FRMD4B: variants seen among roughly 807,000 people sequenced by gnomAD.
FRMD4B encodes the protein FERM domain-containing protein 4B.
A neutral mutation model predicts 141.5 loss-of-function variants in FRMD4B; 74 were observed. The ratio of observed to expected loss-of-function variants is 0.52; its 90% confidence interval spans 0.43 to 0.63. The LOEUF (loss-of-function observed/expected upper bound fraction) is 0.63, where lower values mean the gene tolerates loss of function less well. Ranked by LOEUF, FRMD4B falls within the 30% of genes least tolerant of loss-of-function variation. The pLI, the probability that FRMD4B is intolerant of heterozygous loss-of-function variation, is 0.00. For missense variants in FRMD4B, 1,366 were observed against 1,253.4 expected (o/e 1.09, Z -1.36); for synonymous variants, 506 against 467.9 (o/e 1.08, Z -1.05).
chr3:69,540,530 C>T (rs1701157629), intron 1 of FRMD4B, among the ~76,000 whole-genome samples: 1 of 144,614 alleles, frequency 6.9e-6, no homozygotes, highest in Non-Finnish European at 1.5e-5. Flanking sequence ...AGGAGACTCG[C>T]TTGAACTCGG....
At chr3:69,500,459 G>C (rs990633524) in intron 1 of FRMD4B, among the ~76,000 whole-genome samples, 2 of 152,260 alleles carry the variant, frequency 1.3e-5, no homozygotes, top group African/African-American at 4.8e-5. Flanking sequence ...TTTGGGCATA[G>C]AGGAGAGTTT....
chr3:69,223,342 C>A (rs1415757464), intron 8 of FRMD4B, among the ~76,000 whole-genome samples: 1 of 151,992 alleles, frequency 6.6e-6, no homozygotes, highest in South Asian at 2.1e-4. Context: ...GGTGAAACAC[C>A]TTCTCTACTG....
intron 1 of FRMD4B, among the ~76,000 whole-genome samples, chr3:69,458,041 C>G (rs1243041822): frequency 6.6e-6 from 1 of 152,224 alleles, no homozygotes; most frequent in African/African-American, 2.4e-5. Flanking sequence ...CCACTTCTTT[C>G]TCTTGCTTCC....
intron 1 of FRMD4B, among the ~76,000 whole-genome samples, chr3:69,514,034 G>C (rs1045004735): frequency 2.6e-5 from 4 of 152,118 alleles, no homozygotes; most frequent in African/African-American, 4.8e-5. Flanking sequence ...TTTCAACATA[G>C]TATTGAAAGT....
intron 1 of FRMD4B, among the ~76,000 whole-genome samples, chr3:69,477,503 C>T (rs907973674): frequency 1.3e-4 from 20 of 151,418 alleles, no homozygotes; most frequent in South Asian, 4.2e-4. Flanking sequence ...TGCTGGATTA[C>T]GTTTATTGAT....
chr3:69,471,717 G>T, intron 1 of FRMD4B: 1 of 162,518 alleles, frequency 6.2e-6, no homozygotes, highest in South Asian at 1.7e-4. Flanking sequence ...TTGTTTGGTT[G>T]AGAACGGGCT....
At chr3:69,269,426 G>C (rs555572842) in intron 5 of FRMD4B, among the ~76,000 whole-genome samples, 1 of 150,130 alleles carries the variant, frequency 6.7e-6, no homozygotes, top group Non-Finnish European at 1.5e-5. Context: ...TAGGAAGATA[G>C]AATAGGCTGT....
chr3:69,474,369 A>G (rs1342412621), intron 1 of FRMD4B, among the ~76,000 whole-genome samples: 1 of 152,154 alleles, frequency 6.6e-6, no homozygotes, highest in Non-Finnish European at 1.5e-5. Context: ...GTCATTCCAA[A>G]ACTACCATCT....
chr3:69,478,309 T>C (rs1706040035), intron 1 of FRMD4B, among the ~76,000 whole-genome samples: 1 of 152,246 alleles, frequency 6.6e-6, no homozygotes, highest in African/African-American at 2.4e-5. Context: ...AGTGTCAATT[T>C]TGGATCTTTC....
rs114855208 is a variant in FRMD4B at position 69,522,264 on chromosome 3, G to A, written c.-129+19942C>T. ...TGATGCAGGTCAGCTTGAGGGAGGA[G>A]AGAAATTTTGATTCATAACTTTTTT... On this transcript the variant is annotated intron_variant, in intron 1 of 5. Coordinates refer to the FRMD4B transcript ENST00000459638. Among the ~76,000 whole-genome samples, 683 of 152,112 alleles carry A rather than the reference G, an allele frequency of 4.5e-3. 3 individuals are homozygous for A. Among genetic ancestry groups the A allele is most frequent in the African/African-American group, 0.015 (623 of 41,468 alleles).
intron 1 of FRMD4B, among the ~76,000 whole-genome samples, chr3:69,443,721 C>T (rs1392822162): frequency 2.0e-5 from 3 of 152,206 alleles, no homozygotes; most frequent in Non-Finnish European, 4.4e-5. Context: ...GTAGGCCAAG[C>T]TAACTTTCAA....
At chr3:69,440,959 C>A (rs1459482043) in intron 1 of FRMD4B, among the ~76,000 whole-genome samples, 1 of 152,166 alleles carries the variant, frequency 6.6e-6, no homozygotes, top group East Asian at 1.9e-4. Flanking sequence ...ATTTCTTTAG[C>A]TCTTTTAAAA....
chr3:69,323,608 G>GTATATATATATATATATATA, intron 1 of FRMD4B, among the ~76,000 whole-genome samples: 1 of 101,670 alleles, frequency 9.8e-6, no homozygotes, highest in Non-Finnish European at 1.9e-5. Context: ...CTCTCTCTGT[G>GTATATATATATATATATATA]TATATATATA....
At chr3:69,270,960 G>C (rs1475923685) in intron 5 of FRMD4B, among the ~76,000 whole-genome samples, 1 of 152,092 alleles carries the variant, frequency 6.6e-6, no homozygotes, top group Non-Finnish European at 1.5e-5. Flanking sequence ...TCATTCACTG[G>C]TGCTCAAATT....
chr3:69,194,905 C>G (rs986095443), intron 16 of FRMD4B, 117 bp downstream of exon 16: 2 of 879,022 alleles, frequency 2.3e-6, no homozygotes, highest in African/African-American at 3.3e-5. Flanking sequence ...CACGATCCAT[C>G]TGTACTGGTG....
chr3:69,520,000 ATATATATATATATATATATATATAT>A (rs1469070728), intron 1 of FRMD4B, among the ~76,000 whole-genome samples: 3,118 of 61,418 alleles, frequency 0.051, 274 homozygotes, highest in African/African-American at 0.25. Flanking sequence ...AGTATTCCAT[ATATATATATATATATATATATATAT>A]TCCATCATAT....
intron 3 of FRMD4B, among the ~76,000 whole-genome samples, chr3:69,304,353 G>A (rs934321296): frequency 1.3e-5 from 2 of 151,458 alleles, no homozygotes; most frequent in African/African-American, 4.9e-5. Context: ...GCATGGTGGC[G>A]GGTGCCTCTA....
At chr3:69,456,526 C>G (rs762799095) in intron 1 of FRMD4B, among the ~76,000 whole-genome samples, 4 of 151,856 alleles carry the variant, frequency 2.6e-5, no homozygotes, top group Non-Finnish European at 4.4e-5. Context: ...CACTAGAAAG[C>G]TGATTTTTCT....
chr3:69,495,972 T>C (rs1706378744), intron 1 of FRMD4B, among the ~76,000 whole-genome samples: 1 of 152,184 alleles, frequency 6.6e-6, no homozygotes, highest in Non-Finnish European at 1.5e-5. Context: ...GAGTATATGG[T>C]TTGCAGCCTG....
Sources: allele counts gnomAD v4.1 joint callset (sites outside exome capture counted in the v4.1 genomes callset), GRCh38; gene constraint gnomAD v4.1.1; transcripts MANE v1.5; gene names NCBI Gene and HGNC (gene_info 2026-07-23, HGNC 2026-07-21).